The following POU2F2 variants were observed in gnomAD, a reference collection of about 807,000 sequenced individuals.
The protein encoded by POU2F2 is POU domain, class 2, transcription factor 2.
A neutral mutation model predicts 63.5 loss-of-function variants in POU2F2; 14 were observed. The ratio of observed to expected loss-of-function variants is 0.22; its 90% CI spans 0.15 to 0.34. The LOEUF is 0.34. Ranked by LOEUF, POU2F2 falls within the 10% of genes least tolerant of loss-of-function variation. POU2F2 has a pLI of 1.00. For synonymous variants in POU2F2, 306 were observed against 348.6 expected, an observed-to-expected ratio of 0.88 and a Z score of 1.36; for missense variants, 607 against 815.2, an observed-to-expected ratio of 0.74 and a Z score of 3.11.
chr19:42,137,953 A>G (rs1469857317), intron 2 of POU2F2, among the ~76,000 whole-genome samples: 1 of 152,222 alleles, frequency 6.6e-6, no homozygotes, highest in Non-Finnish European at 1.5e-5. Context: ...GAGTGAACAA[A>G]GAAGAGAAGA....
At chr19:42,142,268 G>A (rs751595210) in intron 2 of POU2F2, among the ~76,000 whole-genome samples, 3 of 151,952 alleles carry the variant, frequency 2.0e-5, no homozygotes, top group Non-Finnish European at 2.9e-5. Flanking sequence ...TTGGCTCACT[G>A]CAACCTCTGC....
chr19:42,196,817 G>C (rs1395786921), upstream of POU2F2, among the ~76,000 whole-genome samples: 1 of 152,268 alleles, frequency 6.6e-6, no homozygotes, highest in African/African-American at 2.4e-5. Context: ...AGTGCACTGC[G>C]CCAGCGCAGA....
rs750238767 is a variant in POU2F2 at position 42,122,626 on chromosome 19, G to A, written c.29-50C>T. On this transcript the variant is annotated intron_variant, in intron 1 of 14. Transcript: ENST00000692977. ...TGGGGTGAAGGAGGGGAATCCAGGA[G>A]GGCTCTCGGGCCCCCATTCCACCAC... 6 of 1,441,858 alleles carry A rather than the reference G, an allele frequency of 4.2e-6. No homozygotes were observed. In the African/African-American group the frequency reaches 4.3e-5, roughly 10 times the overall value. 89.3% of individuals were successfully genotyped at this position (1,441,858 alleles called of 1,614,324 possible). A position where few individuals can be genotyped will look rare whatever the true frequency, so the allele number is the denominator to read the frequency against.
chr19:42,103,986 T>C lies in POU2F2; in HGVS notation c.370-4165A>G, dbSNP rs973495621. On this transcript the variant is annotated intron_variant, in intron 5 of 14. Coordinates refer to ENST00000692977, the MANE Select transcript of POU2F2 (RefSeq NM_001394376.1). Reference sequence around the variant, plus strand: ...AAGAGAGATTTTGCAAATAACTCTATATAATTAAAGAAGAAGAAAAAAGTA... The same window carrying C: ...AAGAGAGATTTTGCAAATAACTCTACATAATTAAAGAAGAAGAAAAAAGTA... Among the ~76,000 whole-genome samples the C allele has an allele frequency of 6.6e-5, 10 of 152,216 alleles. 1 individual carries two copies. The highest frequency in any genetic ancestry group is 3.4e-3 in the Middle Eastern group (1 of 294).
intron 1 of POU2F2, among the ~76,000 whole-genome samples, chr19:42,194,225 AAAT>A (rs1185351817): frequency 1.3e-5 from 2 of 150,966 alleles, no homozygotes; most frequent in Non-Finnish European, 2.9e-5. Context: ...TCTACAAAAA[AAAT>A]AATAATAATA....
At chr19:42,114,969 G>T (rs1374625844) in intron 5 of POU2F2, among the ~76,000 whole-genome samples, 2 of 152,096 alleles carry the variant, frequency 1.3e-5, no homozygotes, top group African/African-American at 4.8e-5. Flanking sequence ...GCAAAAACCT[G>T]TCTCTACAAA....
upstream of POU2F2, among the ~76,000 whole-genome samples, chr19:42,133,961 T>G (rs2033925191): frequency 6.6e-6 from 1 of 152,000 alleles, no homozygotes; most frequent in Non-Finnish European, 1.5e-5. The surrounding 1 kb of genome is among the most constrained non-coding windows in gnomAD (Gnocchi z 5.1). Flanking sequence ...AGTTCTCATA[T>G]ATGCACACGA....
At position 42,086,404 on chromosome 19, in the gene POU2F2, G is replaced by C. The variant is rs1012678938; in HGVS notation, c.*4853C>G. The C allele has an allele frequency of 6.6e-6, 1 of 152,132 alleles. No individual in the cohort carries two copies. Among genetic ancestry groups the C allele is most frequent in the East Asian group, 1.9e-4 (1 of 5,186 alleles). The allele number at this position is 152,132 out of a possible 1,614,324, so 9.4% of individuals were successfully genotyped here. A position where few individuals can be genotyped will look rare whatever the true frequency, so the allele number is the denominator to read the frequency against. ...ACTCCAGGGCTGATTTCTGGATGCC[G>C]GTTCCTGGGCACCCTTGCCTTGTAC... is the stretch of plus-strand genomic sequence containing the variant. On this transcript the variant is annotated 3_prime_UTR_variant, in exon 15 of 15. Coordinates refer to ENST00000692977, the MANE Select transcript of POU2F2 (RefSeq NM_001394376.1).
rs966044001 is a variant in POU2F2 at position 42,099,859 on chromosome 19, T to C, written c.370-38A>G. The C allele has an allele frequency of 2.2e-5, 33 of 1,498,140 alleles. No individual in the cohort carries two copies. In the Admixed American group the frequency reaches 4.7e-4, roughly 21 times the overall value. 92.8% of individuals were successfully genotyped at this position (1,498,140 alleles called of 1,614,324 possible). A position where few individuals can be genotyped will look rare whatever the true frequency, so the allele number is the denominator to read the frequency against. The stretch of plus-strand genomic sequence containing the variant: ...GGGGTGGACAGAAAGATAGCCTGAG[T>C]CCTGGCTGGGTTTCATCCTCTCTGC... On this transcript the variant is annotated intron_variant, in intron 5 of 14. Transcript: ENST00000692977.
At chr19:42,196,872 G>T (rs969780277), upstream of POU2F2, among the ~76,000 whole-genome samples, 10 of 152,240 alleles carry the variant, frequency 6.6e-5, no homozygotes, top group South Asian at 6.2e-4. Flanking sequence ...TGGCAAGCAC[G>T]TGCTGGCCAG....
At chr19:42,129,509 C>T (rs1330287481) in intron 1 of POU2F2, among the ~76,000 whole-genome samples, 1 of 152,218 alleles carries the variant, frequency 6.6e-6, no homozygotes, top group African/African-American at 2.4e-5. Context: ...TTTTAGCAGA[C>T]TTAGGCCAGC....
intron 4 of POU2F2, among the ~76,000 whole-genome samples, chr19:42,119,347 G>GT (rs2032313451): frequency 6.6e-6 from 1 of 152,086 alleles, no homozygotes; most frequent in South Asian, 2.1e-4. Flanking sequence ...ATCTATGTGT[G>GT]TTTTTAATGT....
intron 5 of POU2F2, among the ~76,000 whole-genome samples, chr19:42,106,341 C>T (rs1021523713): frequency 5.3e-5 from 8 of 152,212 alleles, no homozygotes; most frequent in Admixed American, 3.9e-4. Context: ...AAACTCCCGA[C>T]CTCAGATGAT....
At chr19:42,179,676 A>G (rs995357558), upstream of POU2F2, among the ~76,000 whole-genome samples, 2 of 152,088 alleles carry the variant, frequency 1.3e-5, no homozygotes, top group Non-Finnish European at 2.9e-5. Flanking sequence ...TGTGTGTGTG[A>G]GAAACACGAG....
intron 1 of POU2F2, among the ~76,000 whole-genome samples, chr19:42,173,001 G>C (rs2034800964): frequency 6.6e-6 from 1 of 152,220 alleles, no homozygotes; most frequent in Admixed American, 6.5e-5. Flanking sequence ...GACAGGCTGA[G>C]CAAATGATGT....
chr19:42,149,601 AAG>A (rs1393826031), intron 2 of POU2F2, among the ~76,000 whole-genome samples: 1 of 152,168 alleles, frequency 6.6e-6, no homozygotes, highest in African/African-American at 2.4e-5. Context: ...CAATAAAGGA[AAG>A]AGAGTCAGAG....
intron 7 of POU2F2, among the ~76,000 whole-genome samples, chr19:42,098,824 A>G (rs1599958039): frequency 6.6e-6 from 1 of 152,256 alleles, no homozygotes; most frequent in Admixed American, 6.5e-5. Flanking sequence ...AATTATCATT[A>G]AAGTCTAGAA....
upstream of POU2F2, among the ~76,000 whole-genome samples, chr19:42,178,747 G>A (rs1251477509): frequency 1.3e-5 from 2 of 152,170 alleles, no homozygotes; most frequent in African/African-American, 2.4e-5. Context: ...GGGATTCTGA[G>A]AGAGAACCTA....
chr19:42,097,192 G>GTTTTTTTT (rs778449653), intron 7 of POU2F2, among the ~76,000 whole-genome samples: 2 of 117,756 alleles, frequency 1.7e-5, no homozygotes, highest in Non-Finnish European at 3.5e-5. Flanking sequence ...GAATTTTTCA[G>GTTTTTTTT]TTTTTTTTTT....
Sources: gnomAD v4.1 joint callset for allele counts (sites outside exome capture counted in the v4.1 genomes callset) on GRCh38, gnomAD v4.1.1 for gene constraint, Gnocchi (gnomAD v3.1) non-coding constraint, MANE v1.5 for transcripts, NCBI Gene and HGNC (gene_info 2026-07-23, HGNC 2026-07-21) for gene names.